Variants in POF1B observed in about 807,000 individuals in gnomAD.
The protein encoded by POF1B is protein POF1B.
Under a neutral mutation model 55.3 loss-of-function variants are expected in POF1B, and 53 were observed. The observed-to-expected ratio is 0.96, with a 90% CI of 0.77 to 1.20. The LOEUF (loss-of-function observed/expected upper bound fraction) is 1.20, where lower values mean the gene tolerates loss of function less well. POF1B is among the 50% of genes most tolerant of loss of function. The probability of loss-of-function intolerance (pLI) is 0.00; values close to 1 mark genes in which losing one functional copy is unlikely to be tolerated. For missense variants in POF1B, 478 were observed against 420.5 expected (o/e 1.14, Z -1.20); for synonymous variants, 188 against 148.3 (o/e 1.27, Z -1.95).
At chrX:85,291,002 C>G (rs961650965) in intron 15 of POF1B, among the ~76,000 whole-genome samples, 46 of 112,022 alleles carry the variant, frequency 4.1e-4, no homozygotes, top group African/African-American at 1.5e-3. Context: ...GTCATTAAAT[C>G]TTTGTCCATG....
intron 9 of POF1B, 115 bp from the exon 10 acceptor site, chrX:85,308,331 G>A: frequency 2.5e-6 from 1 of 392,282 alleles, no homozygotes; most frequent in East Asian, 4.2e-5. Flanking sequence ...CTTTGATATG[G>A]CAAATTAGAA....
At chrX:85,376,224 C>T (rs944551907) in intron 2 of POF1B, among the ~76,000 whole-genome samples, 2 of 111,276 alleles carry the variant, frequency 1.8e-5, no homozygotes, top group East Asian at 5.7e-4. Flanking sequence ...TGAAAAATAC[C>T]TCGAACTTCA....
intron 15 of POF1B, among the ~76,000 whole-genome samples, chrX:85,288,359 G>C (rs1932101952): frequency 9.0e-6 from 1 of 110,774 alleles, no homozygotes; most frequent in African/African-American, 3.3e-5. Context: ...AAAATATTGG[G>C]TTCCTGATCA....
At chrX:85,319,531 A>C (rs1168859515) in intron 7 of POF1B, among the ~76,000 whole-genome samples, 1 of 111,247 alleles carries the variant, frequency 9.0e-6, no homozygotes, top group Non-Finnish European at 1.9e-5. Context: ...TATTATTCTG[A>C]AGTATGTTTC....
At chrX:85,290,198 G>T (rs1932150600) in intron 15 of POF1B, among the ~76,000 whole-genome samples, 1 of 111,058 alleles carries the variant, frequency 9.0e-6, no homozygotes, top group Non-Finnish European at 1.9e-5. Flanking sequence ...ACATTTAAGT[G>T]AGAAAATGCA....
intron 7 of POF1B, among the ~76,000 whole-genome samples, chrX:85,318,116 T>C (rs1318245931): frequency 1.8e-5 from 2 of 111,242 alleles, no homozygotes; most frequent in Non-Finnish European, 3.8e-5. Flanking sequence ...AAATAACTAA[T>C]GGGTACTGAG....
chrX:85,379,188 C>G lies in POF1B; in HGVS notation c.267G>C (p.Trp89Cys). 5 of 1,211,024 alleles carry G rather than the reference C, an allele frequency of 4.1e-6. No homozygotes were observed. The highest frequency in any genetic ancestry group is 5.6e-6 in the Non-Finnish European group (5 of 895,167). ...KTTSSYQNLV[W>C]SDHSQELHSP... ...TTTGTTGTACCTGAGAATGGTCGCT[C>G]CAAACCAAATTTTGGTAGGAGGAGG... The change falls in exon 2 of 17, where the codon TGG (tryptophan) becomes TGC (cysteine). Residue 89 changes from tryptophan to cysteine, a missense_variant. Trp to Cys is a radical substitution (Grantham distance 215). Coordinates refer to ENST00000262753, the MANE Select transcript of POF1B (RefSeq NM_024921.4).
intron 3 of POF1B, among the ~76,000 whole-genome samples, chrX:85,360,568 C>CACATACACT (rs1641396336): frequency 2.3e-4 from 19 of 81,553 alleles, no homozygotes; most frequent in African/African-American, 1.2e-3. Flanking sequence ...TACATATATA[C>CACATACACT]ACATTTTCTT....
At position 85,305,850 on chromosome X, in the gene POF1B, A is replaced by G; in HGVS notation, c.1378T>C (p.Tyr460His). The G allele has an allele frequency of 8.3e-7, 1 of 1,209,612 alleles. No individual in the cohort carries two copies. Among genetic ancestry groups the G allele is most frequent in the Non-Finnish European group, 1.1e-6 (1 of 893,984 alleles). Residue 460 changes from tyrosine to histidine, a missense_variant, in exon 13 of 17, where the codon TAC (tyrosine) becomes CAC (histidine). Physicochemically the swap from Tyr to His is moderately conservative, Grantham distance 83. Coordinates refer to ENST00000262753, the MANE Select transcript of POF1B (RefSeq NM_024921.4). ...CTCAAGTTTTTTACCATCTCCGTGTAGTGGTTGCCAATCTCATCCATTTTA... is the reference window on the plus strand; with the variant it reads ...CTCAAGTTTTTTACCATCTCCGTGTGGTGGTTGCCAATCTCATCCATTTTA... ...QAKMDEIGNH[Y>H]TEMVKNLRME... is the part of the protein sequence containing the mutation.
intron 9 of POF1B, among the ~76,000 whole-genome samples, chrX:85,312,434 C>A (rs1019246141): frequency 8.9e-5 from 10 of 111,757 alleles, no homozygotes; most frequent in Non-Finnish European, 7.5e-5. Context: ...AACAGGGAAT[C>A]TTTTCCCCAT....
At chrX:85,300,414 G>A (rs1343131632) in intron 15 of POF1B, among the ~76,000 whole-genome samples, 1 of 111,996 alleles carries the variant, frequency 8.9e-6, no homozygotes, top group Non-Finnish European at 1.9e-5. Flanking sequence ...TGTTTGTAAC[G>A]AAACCTCTGT....
chrX:85,350,835 C>A (rs1243649631), intron 5 of POF1B, among the ~76,000 whole-genome samples: 1 of 111,350 alleles, frequency 9.0e-6, no homozygotes, highest in Non-Finnish European at 1.9e-5. Context: ...AGTCAGGAAA[C>A]AACAGGTGCT....
intron 15 of POF1B, among the ~76,000 whole-genome samples, chrX:85,301,586 TCACCAGTAAAGG>T (rs1932457916): frequency 9.0e-6 from 1 of 110,723 alleles, no homozygotes; most frequent in Non-Finnish European, 1.9e-5. Flanking sequence ...GAAATAAAGA[TCACCAGTAAAGG>T]TAACTATACA....
chrX:85,305,810 CT>C lies in POF1B; in HGVS notation c.1417del (p.Arg473GlufsTer6). On this transcript the variant is annotated frameshift_variant, in exon 13 of 17. Transcript: ENST00000262753. LOFTEE classifies it high-confidence loss of function. ...ACATACCCTCAGTCTGCAGATCTCTCTATCTTTCTCCATTCTCAAGTTTTTT... is the reference window on the plus strand; with the variant it reads ...ACATACCCTCAGTCTGCAGATCTCTCATCTTTCTCCATTCTCAAGTTTTTT... ...MVKNLRMEKD[R>X]EICRLRSQLN... 1 of 1,209,520 alleles carries C rather than the reference CT, an allele frequency of 8.3e-7. No individual in the cohort carries two copies. The highest frequency in any genetic ancestry group is 1.1e-6 in the Non-Finnish European group (1 of 894,134).
intron 16 of POF1B, among the ~76,000 whole-genome samples, chrX:85,281,567 C>T (rs1206623786): frequency 9.1e-6 from 1 of 109,623 alleles, no homozygotes; most frequent in Admixed American, 9.8e-5. Flanking sequence ...TGTCACCTGG[C>T]CATTTTGGAG....
chrX:85,368,167 A>T (rs1933761423), intron 2 of POF1B, among the ~76,000 whole-genome samples: 1 of 111,997 alleles, frequency 8.9e-6, no homozygotes, highest in Non-Finnish European at 1.9e-5. Context: ...TAAGGAGTAC[A>T]AGTGCAGTTT....
intron 7 of POF1B, among the ~76,000 whole-genome samples, chrX:85,316,926 C>T (rs750423367): frequency 9.0e-6 from 1 of 110,507 alleles, no homozygotes; most frequent in Non-Finnish European, 1.9e-5. Context: ...TTCTTTGTGT[C>T]TATATGTACT....
chrX:85,299,595 C>T, intron 15 of POF1B, among the ~76,000 whole-genome samples: 1 of 101,634 alleles, frequency 9.8e-6, no homozygotes, highest in South Asian at 5.0e-4. Context: ...GCCTCCACCT[C>T]CTGTTTTCAC....
chrX:85,359,403 T>C lies in POF1B; in HGVS notation c.438+147A>G. 2.4e-5 allele frequency: 11 copies of C among 457,370 alleles called. No individual in the cohort carries two copies. The South Asian group carries it at 3.5e-4, about 15-fold the overall frequency. 37.7% of individuals were successfully genotyped at this position (457,370 alleles called of 1,213,427 possible). On this transcript the variant is annotated intron_variant, in intron 4 of 16. Transcript: ENST00000262753. ...TGGTTGTTTGGCATTAAAGATGGCA[T>C]TTATTGATACTGATAATCAGCAATT...
Sources: gnomAD v4.1 joint callset for allele counts (sites outside exome capture counted in the v4.1 genomes callset) on GRCh38, gnomAD v4.1.1 for gene constraint, MANE v1.5 for transcripts, NCBI Gene and HGNC (gene_info 2026-07-23, HGNC 2026-07-21) for gene names.